Variants in RYR3 observed in about 807,000 individuals in gnomAD.
RYR3 encodes brain ryanodine receptor-calcium release channel.
A neutral mutation model predicts 584.3 loss-of-function variants in RYR3; 207 were observed. The ratio of observed to expected loss-of-function variants is 0.35; its 90% CI spans 0.32 to 0.40. RYR3 has a LOEUF of 0.40. Ranked by LOEUF, RYR3 falls within the 10% of genes least tolerant of loss-of-function variation. The pLI is 1.00. For missense variants in RYR3, 5,616 were observed against 6,089.2 expected (o/e 0.92, Z 2.59); for synonymous variants, 2,416 against 2,248.5 (o/e 1.07, Z -2.11).
At chr15:33,858,230 GT>G (rs1289358022) in intron 99 of RYR3, 2 of 260,100 alleles carry the variant, frequency 7.7e-6, no homozygotes, top group Non-Finnish European at 1.5e-5. Flanking sequence ...TTGAGATGGA[GT>G]TTTGCTTTTG....
At chr15:33,775,295 G>T (rs2073920836) in intron 64 of RYR3, among the ~76,000 whole-genome samples, 1 of 150,344 alleles carries the variant, frequency 6.7e-6, no homozygotes, top group South Asian at 2.2e-4. Flanking sequence ...TTTCTCATCT[G>T]TGTGTTGGTT....
chr15:33,798,430 C>T (rs573160011), intron 67 of RYR3, among the ~76,000 whole-genome samples: 2 of 152,276 alleles, frequency 1.3e-5, no homozygotes, highest in African/African-American at 4.8e-5. Flanking sequence ...TGCCTTCCAT[C>T]TTTGAAGTTA....
intron 10 of RYR3, among the ~76,000 whole-genome samples, chr15:33,555,213 A>G (rs1179561848): frequency 6.6e-6 from 1 of 152,098 alleles, no homozygotes; most frequent in Non-Finnish European, 1.5e-5. Context: ...CAGCCACAGC[A>G]CCCCTAACCA....
chr15:33,689,841 G>A (rs1236536144), intron 38 of RYR3, among the ~76,000 whole-genome samples: 1 of 152,092 alleles, frequency 6.6e-6, no homozygotes, highest in African/African-American at 2.4e-5. Flanking sequence ...TTTATTAAAT[G>A]CCTCACATGT....
At chr15:33,768,352 G>A (rs1311141453) in intron 60 of RYR3, among the ~76,000 whole-genome samples, 1 of 152,136 alleles carries the variant, frequency 6.6e-6, no homozygotes, top group Admixed American at 6.5e-5. Flanking sequence ...TTCAGTACAT[G>A]GTACTCTATA....
At chr15:33,446,201 C>G (rs919203388) in intron 1 of RYR3, among the ~76,000 whole-genome samples, 1 of 152,170 alleles carries the variant, frequency 6.6e-6, no homozygotes, top group Non-Finnish European at 1.5e-5. Flanking sequence ...GATTCTCTTG[C>G]TCAAATTAGT....
intron 30 of RYR3, among the ~76,000 whole-genome samples, chr15:33,648,187 C>T (rs1334608655): frequency 6.6e-6 from 1 of 152,142 alleles, no homozygotes; most frequent in Non-Finnish European, 1.5e-5. Context: ...TAAAATTAAT[C>T]AGCAAGCCCT....
chr15:33,528,737 T>G (rs1309907026), intron 3 of RYR3, among the ~76,000 whole-genome samples: 1 of 152,196 alleles, frequency 6.6e-6, no homozygotes, highest in Non-Finnish European at 1.5e-5. Flanking sequence ...ATGATGATAA[T>G]TATCAAAAGC....
chr15:33,383,459 GC>G (rs1322422077), intron 1 of RYR3, among the ~76,000 whole-genome samples: 1 of 151,728 alleles, frequency 6.6e-6, no homozygotes, highest in African/African-American at 2.4e-5. Flanking sequence ...TTTCATAATA[GC>G]ATGAGTTAAT....
At chr15:33,399,531 G>C (rs1390408729) in intron 1 of RYR3, among the ~76,000 whole-genome samples, 2 of 152,072 alleles carry the variant, frequency 1.3e-5, no homozygotes, top group African/African-American at 2.4e-5. Flanking sequence ...CCAGCTACTC[G>C]CGAGGCTGAG....
At chr15:33,739,700 C>A in intron 50 of RYR3, 132 bp from the exon 51 acceptor site, 1 of 646,452 alleles carries the variant, frequency 1.5e-6, no homozygotes, top group Admixed American at 3.1e-5. Context: ...TAAGGGGTTA[C>A]ACATTTCCCG....
chr15:33,435,599 C>G (rs905523998), intron 1 of RYR3, among the ~76,000 whole-genome samples: 1 of 152,164 alleles, frequency 6.6e-6, no homozygotes, highest in African/African-American at 2.4e-5. Flanking sequence ...CATATTGTGT[C>G]TCGCATTTAT....
At chr15:33,774,691 TG>T (rs2073871595) in intron 64 of RYR3, among the ~76,000 whole-genome samples, 1 of 152,256 alleles carries the variant, frequency 6.6e-6, no homozygotes, top group Admixed American at 6.5e-5. Context: ...TGGCTGCGTT[TG>T]TTTTTATTAT....
chr15:33,418,375 C>G (rs1183608366), intron 1 of RYR3, among the ~76,000 whole-genome samples: 1 of 150,944 alleles, frequency 6.6e-6, no homozygotes, highest in Non-Finnish European at 1.5e-5. Flanking sequence ...TACTGATTTA[C>G]TCATTATTGG....
chr15:33,426,033 A>G (rs979737728), intron 1 of RYR3, among the ~76,000 whole-genome samples: 2 of 152,164 alleles, frequency 1.3e-5, no homozygotes, highest in Non-Finnish European at 2.9e-5. Context: ...GATGTTATGT[A>G]AAGATCAAAA....
At chr15:33,618,450 G>A (rs1404194561) in intron 19 of RYR3, among the ~76,000 whole-genome samples, 1 of 152,050 alleles carries the variant, frequency 6.6e-6, no homozygotes, top group African/African-American at 2.4e-5. Context: ...CAGAGAACAT[G>A]ATGGGCACTG....
At chr15:33,335,077 T>C (rs926615309) in intron 1 of RYR3, among the ~76,000 whole-genome samples, 2 of 152,142 alleles carry the variant, frequency 1.3e-5, no homozygotes, top group African/African-American at 4.8e-5. Flanking sequence ...TACATTGCTG[T>C]TGGGAGTGTA....
At chr15:33,574,744 A>G (rs1218774828) in intron 12 of RYR3, among the ~76,000 whole-genome samples, 2 of 152,198 alleles carry the variant, frequency 1.3e-5, no homozygotes, top group Admixed American at 1.3e-4. Flanking sequence ...TGAATAAGCA[A>G]ATATACTGTA....
Position 33,819,805 on chromosome 15 carries a change from A to G in RYR3, c.10756A>G (p.Lys3586Glu), listed in dbSNP as rs779802800. Residue 3586 changes from lysine to glutamate, a missense_variant and splice_region_variant, in exon 77 of 104, where the codon AAG (lysine) becomes GAG (glutamate). This residue lies in a region of RYR3 where 954 missense variants were observed against 1,132.2 expected (regional missense o/e 0.84). Transcript: ENST00000634891. ...LYTSYSSMMA[K>E]SCQSGEDEEE... is the part of the protein sequence containing the mutation. The stretch of plus-strand genomic sequence containing the variant: ...CACCTCCTATTCCAGCATGATGGCC[A>G]AGGTACACCCAGGTTTTCTGCCCAT... 3 of 1,588,918 alleles carry G rather than the reference A, an allele frequency of 1.9e-6. No homozygotes were observed. Among genetic ancestry groups the G allele is most frequent in the East Asian group, 4.5e-5 (2 of 44,390 alleles).
Sources: gnomAD v4.1 joint callset for allele counts (sites outside exome capture counted in the v4.1 genomes callset) on GRCh38, gnomAD v4.1.1 for gene constraint, gnomAD v4.1.1 regional missense constraint, MANE v1.5 for transcripts, NCBI Gene and HGNC (gene_info 2026-07-23, HGNC 2026-07-21) for gene names.